LIN28B: variants seen among roughly 807,000 people sequenced by gnomAD.
LIN28B encodes the protein protein lin-28 homolog B.
A neutral mutation model predicts 21.9 loss-of-function variants in LIN28B; 5 were observed. The ratio of observed to expected loss-of-function variants is 0.23; its 90% CI spans 0.12 to 0.48. The LOEUF (loss-of-function observed/expected upper bound fraction) is 0.48. Ranked by LOEUF, LIN28B falls within the 20% of genes least tolerant of loss-of-function variation. The pLI is 0.98. For synonymous variants in LIN28B, 109 were observed against 111.3 expected (o/e 0.98, Z 0.13); for missense variants, 245 against 310.5 (o/e 0.79, Z 1.58).
chr6:104,959,456 A>G (rs1403438982), intron 2 of LIN28B, among the ~76,000 whole-genome samples: 1 of 152,210 alleles, frequency 6.6e-6, no homozygotes, highest in Non-Finnish European at 1.5e-5. Context: ...CTTCAAATTA[A>G]ATATATAAAC....
intron 2 of LIN28B, among the ~76,000 whole-genome samples, chr6:105,018,862 G>T (rs1771080250): frequency 6.6e-6 from 1 of 151,744 alleles, no homozygotes; most frequent in East Asian, 1.9e-4. Flanking sequence ...ATGTTATATT[G>T]TCTCAAATAG....
chr6:105,026,208 C>CT lies in LIN28B; in HGVS notation c.199-87dup, dbSNP rs936603908. On this transcript the variant is annotated intron_variant, in intron 2 of 3. Transcript: ENST00000345080. ...ACTTTTGTAATGCATGACAGAGTATCTTTCTTTTTTAAAATTATAGAGATA... is the reference window on the plus strand; with the variant it reads ...ACTTTTGTAATGCATGACAGAGTATCTTTTCTTTTTTAAAATTATAGAGATA... 8 of 663,612 alleles carry CT rather than the reference C, an allele frequency of 1.2e-5. No homozygotes were observed. The African/African-American group carries it at 1.5e-4, about 12-fold the overall frequency. 41.1% of individuals were successfully genotyped at this position (663,612 alleles called of 1,614,324 possible).
At chr6:105,050,140 T>C (rs1474462977) in intron 3 of LIN28B, among the ~76,000 whole-genome samples, 1 of 152,216 alleles carries the variant, frequency 6.6e-6, no homozygotes. Flanking sequence ...TGGCTGGTAC[T>C]GGTTGTTCCT....
upstream of LIN28B, among the ~76,000 whole-genome samples, chr6:104,953,267 C>T (rs537756794): frequency 5.3e-5 from 8 of 152,182 alleles, no homozygotes; most frequent in Admixed American, 1.3e-4. Context: ...CCCGAAAGGA[C>T]GGCGCCGGGT....
At position 104,948,639 on chromosome 6, in the gene LIN28B, A is replaced by G. The variant is rs1388097980; in HGVS notation, c.19-1822A>G. The stretch of plus-strand genomic sequence containing the variant: ...TAAAATTATAAATATTTTACAGCTT[A>G]TACCTGTCTCATTCCTATTATAGTT... On this transcript the variant is annotated intron_variant, in intron 2 of 5. Coordinates refer to the LIN28B transcript ENST00000635857. 7.2e-5 allele frequency among the ~76,000 whole-genome samples: 11 copies of G among 152,362 alleles called. No homozygotes were observed. The East Asian group carries it at 1.5e-3, about 21-fold the overall frequency.
intron 3 of LIN28B, among the ~76,000 whole-genome samples, chr6:105,062,642 A>G (rs1415021584): frequency 1.3e-5 from 2 of 152,150 alleles, no homozygotes; most frequent in Non-Finnish European, 1.5e-5. Flanking sequence ...GTAATTCTGC[A>G]TGAATGATCC....
At chr6:105,019,094 C>T (rs559155245) in intron 2 of LIN28B, among the ~76,000 whole-genome samples, 10 of 152,056 alleles carry the variant, frequency 6.6e-5, no homozygotes, top group South Asian at 2.1e-4. Flanking sequence ...TATAAGCGCC[C>T]GCCACCACAC....
At chr6:104,994,793 G>C (rs1402207051) in intron 2 of LIN28B, among the ~76,000 whole-genome samples, 1 of 152,176 alleles carries the variant, frequency 6.6e-6, no homozygotes, top group Admixed American at 6.5e-5. Context: ...AGAGGTAAGA[G>C]GGATGGAAAG....
In LIN28B at chr6:105,050,294, G is replaced by C. The variant is rs1771871355; in HGVS notation, c.383+23812G>C. Among the ~76,000 whole-genome samples the C allele has an allele frequency of 2.0e-5, 3 of 152,124 alleles. No individual in the cohort carries two copies. The South Asian group carries it at 6.2e-4, about 32-fold the overall frequency. On this transcript the variant is annotated intron_variant, in intron 3 of 3. Coordinates refer to ENST00000345080, the MANE Select transcript of LIN28B (RefSeq NM_001004317.4). ...TTGGCTGGATATGAAATTCTGGGTT[G>C]AAAATTCTTTTCTTTAAGAATGTTG...
At chr6:105,048,886 G>C (rs982839714) in intron 3 of LIN28B, among the ~76,000 whole-genome samples, 1 of 151,912 alleles carries the variant, frequency 6.6e-6, no homozygotes, top group Admixed American at 6.6e-5. Context: ...TTTTTATTGC[G>C]TCTATTTGAT....
intron 2 of LIN28B, among the ~76,000 whole-genome samples, chr6:104,999,512 A>C (rs149220105): frequency 4.3e-4 from 65 of 152,360 alleles, no homozygotes; most frequent in African/African-American, 1.5e-3. Flanking sequence ...AAGCATGTAA[A>C]TTAGAATGGA....
intron 2 of LIN28B, among the ~76,000 whole-genome samples, chr6:104,973,617 T>C (rs1770023390): frequency 6.6e-6 from 1 of 152,248 alleles, no homozygotes; most frequent in South Asian, 2.1e-4. Flanking sequence ...AGAAAGTGTC[T>C]GTCTTTAGCA....
intron 3 of LIN28B, among the ~76,000 whole-genome samples, chr6:105,046,623 A>G (rs1277564458): frequency 1.3e-5 from 2 of 152,170 alleles, no homozygotes; most frequent in Non-Finnish European, 2.9e-5. Flanking sequence ...ACTAGTTTAC[A>G]GTCCCACCAA....
At chr6:105,075,756 A>G (rs917632382) in intron 3 of LIN28B, among the ~76,000 whole-genome samples, 2 of 152,228 alleles carry the variant, frequency 1.3e-5, no homozygotes, top group Non-Finnish European at 2.9e-5. Context: ...CTCCTGGTCA[A>G]TGAGTGGGCA....
intron 2 of LIN28B, among the ~76,000 whole-genome samples, chr6:104,963,781 G>A (rs566092046): frequency 5.3e-5 from 8 of 152,174 alleles, no homozygotes; most frequent in African/African-American, 1.9e-4. Context: ...GTTAGCCTTT[G>A]GTGTTGCATG....
chr6:105,036,134 C>A (rs139567512), intron 3 of LIN28B, among the ~76,000 whole-genome samples: 1 of 151,984 alleles, frequency 6.6e-6, no homozygotes, highest in Admixed American at 6.6e-5. Context: ...ATTGTAACTC[C>A]GAACTATAGA....
At chr6:104,994,251 G>T (rs747861535) in intron 2 of LIN28B, among the ~76,000 whole-genome samples, 2 of 152,116 alleles carry the variant, frequency 1.3e-5, no homozygotes, top group Non-Finnish European at 2.9e-5. Flanking sequence ...TGATCCGCCC[G>T]CCTCGGCCTC....
At chr6:105,050,603 C>G (rs1391641116) in intron 3 of LIN28B, among the ~76,000 whole-genome samples, 2 of 23,658 alleles carry the variant, frequency 8.5e-5, no homozygotes, top group African/African-American at 2.2e-4. Context: ...AGCGAGACTC[C>G]GTCTCAAAAA....
chr6:105,030,585 T>C (rs1466379265), intron 3 of LIN28B, among the ~76,000 whole-genome samples: 1 of 149,106 alleles, frequency 6.7e-6, no homozygotes, highest in East Asian at 1.9e-4. Flanking sequence ...AATTTCTTTC[T>C]TTCTTTCTTT....
Sources: allele counts gnomAD v4.1 joint callset (sites outside exome capture counted in the v4.1 genomes callset), GRCh38; gene constraint gnomAD v4.1.1; transcripts MANE v1.5; gene names NCBI Gene and HGNC (gene_info 2026-07-23, HGNC 2026-07-21).